MPP7: variants seen among roughly 807,000 people sequenced by gnomAD.
The protein encoded by MPP7 is MAGUK p55 scaffold protein 7.
In MPP7, 60 loss-of-function variants were observed where a neutral mutation model predicts 76.5. The observed-to-expected ratio is 0.78, with a 90% CI of 0.64 to 0.97. MPP7 has a LOEUF of 0.97. Among genes scored for constraint, MPP7 ranks in the 50% least tolerant of loss-of-function variants. The probability of loss-of-function intolerance (pLI) is 0.00; values close to 1 mark genes in which losing one functional copy is unlikely to be tolerated. For missense variants in MPP7, 641 were observed against 694.0 expected (o/e 0.92, Z 0.86); for synonymous variants, 237 against 244.5 (o/e 0.97, Z 0.29).
chr10:28,140,819 C>G (rs1208447911), intron 5 of MPP7, among the ~76,000 whole-genome samples: 2 of 152,112 alleles, frequency 1.3e-5, no homozygotes, highest in African/African-American at 4.8e-5. Flanking sequence ...TATCAAAAAA[C>G]TTTCCCCAGA....
chr10:28,158,920 T>C (rs1461652197), intron 3 of MPP7, among the ~76,000 whole-genome samples: 1 of 152,136 alleles, frequency 6.6e-6, no homozygotes, highest in East Asian at 1.9e-4. Context: ...TGGATCTCCT[T>C]TCAAAAGCAA....
intron 2 of MPP7, among the ~76,000 whole-genome samples, chr10:28,228,110 G>T (rs1002143259): frequency 1.3e-5 from 2 of 152,164 alleles, no homozygotes; most frequent in African/African-American, 4.8e-5. Flanking sequence ...TACTTTGGGT[G>T]GGGGAACTGT....
At chr10:28,330,430 C>T (rs1276638187) in intron 1 of MPP7, among the ~76,000 whole-genome samples, 4 of 152,144 alleles carry the variant, frequency 2.6e-5, no homozygotes, top group African/African-American at 4.8e-5. Context: ...ACCTGCCCAA[C>T]TTAGCAAGAT....
chr10:28,063,653 C>T (rs1466491635), intron 13 of MPP7, among the ~76,000 whole-genome samples: 1 of 152,138 alleles, frequency 6.6e-6, no homozygotes, highest in Non-Finnish European at 1.5e-5. Flanking sequence ...GCATTAGGTG[C>T]ACAAACCGAA....
intron 13 of MPP7, among the ~76,000 whole-genome samples, chr10:28,062,034 A>G (rs1340338905): frequency 6.6e-6 from 1 of 152,186 alleles, no homozygotes; most frequent in Non-Finnish European, 1.5e-5. Flanking sequence ...CTGAAGATAA[A>G]TGATAAAAAG....
chr10:28,262,760 T>C (rs569664616), intron 1 of MPP7, among the ~76,000 whole-genome samples: 43 of 152,238 alleles, frequency 2.8e-4, no homozygotes, highest in Admixed American at 2.7e-3. Context: ...AATACAATGC[T>C]AAATCTCACA....
intron 2 of MPP7, among the ~76,000 whole-genome samples, chr10:28,326,468 C>T (rs1479524340): frequency 1.3e-5 from 2 of 152,146 alleles, no homozygotes; most frequent in Non-Finnish European, 2.9e-5. Flanking sequence ...GGCAAAGAAA[C>T]TTACACTTCT....
intron 1 of MPP7, among the ~76,000 whole-genome samples, chr10:28,267,853 C>G (rs886184223): frequency 6.6e-6 from 1 of 151,684 alleles, no homozygotes. Context: ...CTGGGCAACA[C>G]GGTGAAACTC....
At chr10:28,249,267 G>T (rs957659945) in intron 1 of MPP7, among the ~76,000 whole-genome samples, 1 of 152,040 alleles carries the variant, frequency 6.6e-6, no homozygotes, top group Admixed American at 6.6e-5. Flanking sequence ...AGTATAGTAG[G>T]AAAACTGTCA....
intron 2 of MPP7, among the ~76,000 whole-genome samples, chr10:28,234,998 T>C (rs1174556751): frequency 6.6e-6 from 1 of 152,154 alleles, no homozygotes; most frequent in Non-Finnish European, 1.5e-5. Flanking sequence ...TTAGTAGAGA[T>C]GTGGTTTCAC....
At chr10:28,099,315 A>T (rs79450011) in intron 11 of MPP7, among the ~76,000 whole-genome samples, 1,840 of 152,298 alleles carry the variant, frequency 0.012, 53 homozygotes, top group East Asian at 0.12. Context: ...TTCAAATGGG[A>T]CAGTTTAGAT....
At chr10:28,068,515 T>C (rs1310014231) in intron 13 of MPP7, among the ~76,000 whole-genome samples, 1 of 152,094 alleles carries the variant, frequency 6.6e-6, no homozygotes, top group Non-Finnish European at 1.5e-5. Context: ...TCAAATGGCC[T>C]TTATTCTGCA....
At chr10:28,076,853 G>A (rs1441703527) in intron 12 of MPP7, among the ~76,000 whole-genome samples, 2 of 150,340 alleles carry the variant, frequency 1.3e-5, no homozygotes, top group South Asian at 2.1e-4. Context: ...GCGCCATTGC[G>A]ATCTAGCCTG....
chr10:28,152,556 T>C lies in MPP7; in HGVS notation c.157-2497A>G, dbSNP rs763401093. On this transcript the variant is annotated intron_variant, in intron 3 of 16. Coordinates refer to ENST00000683449, the MANE Select transcript of MPP7 (RefSeq NM_001318170.2). ...TGCCTGTGATGGTGAAAATGTTTTATAGCCGTTTGCCCAATATGGTTAGCC... is the reference window on the plus strand; with the variant it reads ...TGCCTGTGATGGTGAAAATGTTTTACAGCCGTTTGCCCAATATGGTTAGCC... Among the ~76,000 whole-genome samples, 150 of 152,248 alleles carry C rather than the reference T, an allele frequency of 9.9e-4. 3 individuals are homozygous for C. Among genetic ancestry groups the C allele is most frequent in the Non-Finnish European group, 3.8e-4 (26 of 68,044 alleles).
chr10:28,212,626 G>A (rs1440037320), intron 2 of MPP7, among the ~76,000 whole-genome samples: 1 of 152,162 alleles, frequency 6.6e-6, no homozygotes, highest in African/African-American at 2.4e-5. Flanking sequence ...ACACAGAAGA[G>A]AAGAGGAGGC....
At chr10:28,331,238 C>T (rs1423581785) in intron 1 of MPP7, among the ~76,000 whole-genome samples, 1 of 152,154 alleles carries the variant, frequency 6.6e-6, no homozygotes, top group Non-Finnish European at 1.5e-5. Flanking sequence ...AGTGGCTACT[C>T]ATTGAGTGGG....
chr10:28,318,957 T>C (rs1387263967), intron 2 of MPP7, among the ~76,000 whole-genome samples: 1 of 152,244 alleles, frequency 6.6e-6, no homozygotes, highest in African/African-American at 2.4e-5. Context: ...GTCAAAGACA[T>C]ATTTTTCCTT....
chr10:28,126,285 T>C (rs1428984760), intron 6 of MPP7, among the ~76,000 whole-genome samples: 1 of 152,250 alleles, frequency 6.6e-6, no homozygotes, highest in Non-Finnish European at 1.5e-5. Flanking sequence ...TTTTCTGCTT[T>C]TATTTCAATT....
intron 3 of MPP7, among the ~76,000 whole-genome samples, chr10:28,166,865 G>A (rs1327304596): frequency 1.3e-5 from 2 of 151,998 alleles, no homozygotes; most frequent in East Asian, 1.9e-4. Context: ...CAACATTACG[G>A]TTTTGGAGAT....
Sources: allele counts gnomAD v4.1 joint callset (sites outside exome capture counted in the v4.1 genomes callset), GRCh38; gene constraint gnomAD v4.1.1; transcripts MANE v1.5; gene names NCBI Gene and HGNC (gene_info 2026-07-23, HGNC 2026-07-21).